The following SLC17A5 variants were observed in gnomAD, a reference collection of about 807,000 sequenced individuals.
SLC17A5 encodes the protein solute carrier family 17 member 5, also known as sialin.
A neutral mutation model predicts 59.4 loss-of-function variants in SLC17A5; 47 were observed. That is an observed-to-expected ratio of 0.79 (90% CI 0.63 to 1.01). The LOEUF is 1.01. SLC17A5 is among the 50% of genes least tolerant of loss of function. The probability of loss-of-function intolerance (pLI) is 0.00; values close to 1 mark genes in which losing one functional copy is unlikely to be tolerated. For missense variants in SLC17A5, 522 were observed against 595.5 expected, an observed-to-expected ratio of 0.88 and a Z score of 1.28; for synonymous variants, 202 against 210.7, an observed-to-expected ratio of 0.96 and a Z score of 0.36.
chr6:73,599,749 T>C (rs1364682489), intron 10 of SLC17A5, among the ~76,000 whole-genome samples: 1 of 152,184 alleles, frequency 6.6e-6, no homozygotes, highest in Non-Finnish European at 1.5e-5. Flanking sequence ...GTCGGATATA[T>C]GTCTGAAATC....
At chr6:73,618,184 G>A (rs888176884) in intron 7 of SLC17A5, among the ~76,000 whole-genome samples, 3 of 150,626 alleles carry the variant, frequency 2.0e-5, no homozygotes, top group Admixed American at 6.6e-5. Flanking sequence ...AGCTGAGGTC[G>A]TACCACTGAA....
intron 6 of SLC17A5, among the ~76,000 whole-genome samples, chr6:73,632,485 C>A (rs1311678633): frequency 1.5e-5 from 2 of 134,062 alleles, no homozygotes; most frequent in African/African-American, 5.5e-5. Context: ...CTCTGTTGCC[C>A]AAGCTGGAGT....
intron 10 of SLC17A5, among the ~76,000 whole-genome samples, chr6:73,595,938 A>ATATATATG (rs1407349761): frequency 8.8e-4 from 1 of 1,130 alleles, no homozygotes; most frequent in Non-Finnish European, 1.6e-3. Flanking sequence ...ATATACATAT[A>ATATATATG]TATATATATA....
Position 73,643,221 on chromosome 6 carries a change from G to A in SLC17A5, c.291+1186C>T, listed in dbSNP as rs576675463. ...GTGGCCCAGGCTGGAGTGCAGTGGC[G>A]CGATCTCGGCTCACTGCAGGCTCCA... On this transcript the variant is annotated intron_variant, in intron 2 of 10. Coordinates refer to ENST00000355773, the MANE Select transcript of SLC17A5 (RefSeq NM_012434.5). Among the ~76,000 whole-genome samples, 4 of 151,384 alleles carry A rather than the reference G, an allele frequency of 2.6e-5. No homozygotes were observed. The South Asian group carries it at 6.2e-4, about 24-fold the overall frequency.
chr6:73,608,601 T>A (rs1767503219), intron 9 of SLC17A5, among the ~76,000 whole-genome samples: 1 of 152,198 alleles, frequency 6.6e-6, no homozygotes, highest in Non-Finnish European at 1.5e-5. Flanking sequence ...CCAGTTTAAA[T>A]TAGAATTTCT....
chr6:73,601,635 G>GT (rs1266976825), intron 9 of SLC17A5, among the ~76,000 whole-genome samples: 1 of 83,628 alleles, frequency 1.2e-5, no homozygotes, highest in Admixed American at 1.0e-4. Flanking sequence ...CGGGAGGGAG[G>GT]TGGGGGGGGG....
chr6:73,605,153 T>G (rs1312244181), intron 9 of SLC17A5, among the ~76,000 whole-genome samples: 1 of 152,204 alleles, frequency 6.6e-6, no homozygotes, highest in Non-Finnish European at 1.5e-5. Flanking sequence ...CTGGATTATC[T>G]TCATTTTATA....
intron 3 of SLC17A5, 143 bp from the exon 4 acceptor site, chr6:73,638,642 A>G: frequency 1.4e-6 from 1 of 711,844 alleles, no homozygotes; most frequent in Non-Finnish European, 2.5e-6. Flanking sequence ...AAATTTTTAC[A>G]GTGTTAAGTG....
At chr6:73,612,683 T>A (rs1767683888) in intron 8 of SLC17A5, among the ~76,000 whole-genome samples, 1 of 152,156 alleles carries the variant, frequency 6.6e-6, no homozygotes, top group Non-Finnish European at 1.5e-5. Flanking sequence ...CAAGAGATTT[T>A]CTCACCTTAG....
At chr6:73,642,772 T>C (rs1769345778) in intron 2 of SLC17A5, among the ~76,000 whole-genome samples, 1 of 152,230 alleles carries the variant, frequency 6.6e-6, no homozygotes, top group Non-Finnish European at 1.5e-5. Context: ...ACTGCTGATA[T>C]AAGGCAGATG....
intron 1 of SLC17A5, among the ~76,000 whole-genome samples, chr6:73,649,652 G>A (rs150989292): frequency 2.2e-4 from 33 of 152,288 alleles, no homozygotes; most frequent in African/African-American, 7.5e-4. Flanking sequence ...GGCACTAGTC[G>A]AAGTATTTTG....
At chr6:73,595,497 A>C (rs1220036532) in intron 10 of SLC17A5, among the ~76,000 whole-genome samples, 1 of 152,208 alleles carries the variant, frequency 6.6e-6, no homozygotes, top group Non-Finnish European at 1.5e-5. Context: ...TATTCCATTT[A>C]TATAAAGCCC....
intron 3 of SLC17A5, among the ~76,000 whole-genome samples, chr6:73,641,372 C>T (rs926686078): frequency 1.3e-5 from 2 of 152,114 alleles, no homozygotes; most frequent in Non-Finnish European, 2.9e-5. Context: ...AGCCACCACG[C>T]CCGGACTATC....
chr6:73,611,331 G>C (rs958238718), intron 8 of SLC17A5, among the ~76,000 whole-genome samples: 2 of 152,158 alleles, frequency 1.3e-5, no homozygotes, highest in Non-Finnish European at 2.9e-5. Context: ...CCAGGCTGGA[G>C]TGCAGTGGCG....
chr6:73,638,052 T>C (rs1407447501), intron 4 of SLC17A5, among the ~76,000 whole-genome samples: 2 of 150,786 alleles, frequency 1.3e-5, no homozygotes, highest in Non-Finnish European at 3.0e-5. Context: ...GCTACTGGCC[T>C]TTTTTTTTCT....
rs150836846 is a variant in SLC17A5, at chr6:73,653,848, G to T, written c.39C>A (p.Gly13=). 3 of 1,606,728 alleles carry T rather than the reference G, an allele frequency of 1.9e-6. No individual in the cohort carries two copies. The highest frequency in any genetic ancestry group is 2.7e-5 in the African/African-American group (2 of 74,690). The change falls in exon 1 of 11, where the codon GGC becomes GGA. Residue 13 remains glycine, a synonymous_variant. Transcript: ENST00000355773. ...SPVRDLARND[G]EESTDRTPLL... is the part of the protein sequence containing the mutation. The stretch of plus-strand genomic sequence containing the variant: ...GAGGCGTGCGGTCCGTGCTCTCCTC[G>T]CCATCGTTCCGGGCCAGGTCTCGAA...
intron 6 of SLC17A5, among the ~76,000 whole-genome samples, chr6:73,625,327 T>C (rs6940706): frequency 0.16 from 24,846 of 151,698 alleles, 3,143 homozygotes; most frequent in African/African-American, 0.35. Context: ...GCTGGGATTA[T>C]AGGCACCCGC....
intron 7 of SLC17A5, among the ~76,000 whole-genome samples, chr6:73,620,460 TTA>T (rs1474903111): frequency 6.6e-6 from 1 of 152,314 alleles, no homozygotes; most frequent in African/African-American, 2.4e-5. Flanking sequence ...ATCCATCCCA[TTA>T]TGTTGCCAAA....
At chr6:73,649,679 TATA>T (rs544703002) in intron 1 of SLC17A5, among the ~76,000 whole-genome samples, 7 of 152,234 alleles carry the variant, frequency 4.6e-5, no homozygotes, top group Non-Finnish European at 8.8e-5. Flanking sequence ...TTAGGGTTAT[TATA>T]AGGATTCACT....
Sources: allele counts gnomAD v4.1 joint callset (sites outside exome capture counted in the v4.1 genomes callset), GRCh38; gene constraint gnomAD v4.1.1; transcripts MANE v1.5; gene names NCBI Gene and HGNC (gene_info 2026-07-23, HGNC 2026-07-21).